The following MTMR3 variants were observed in gnomAD, a reference collection of about 807,000 sequenced individuals.
The protein encoded by MTMR3 is phosphatidylinositol-3,5-bisphosphate 3-phosphatase MTMR3.
A neutral mutation model predicts 132.4 loss-of-function variants in MTMR3; 32 were observed. The observed-to-expected ratio is 0.24, with a 90% CI of 0.18 to 0.32. MTMR3 has a LOEUF of 0.32. Among genes scored for constraint, MTMR3 ranks in the 10% least tolerant of loss-of-function variants. MTMR3 has a pLI of 1.00. For missense variants in MTMR3, 1,216 were observed against 1,489.6 expected, an observed-to-expected ratio of 0.82 and a Z score of 3.02; for synonymous variants, 556 against 550.3, an observed-to-expected ratio of 1.01 and a Z score of -0.14.
chr22:29,893,565 C>T (rs1338464219), intron 1 of MTMR3, among the ~76,000 whole-genome samples: 1 of 152,140 alleles, frequency 6.6e-6, no homozygotes, highest in Non-Finnish European at 1.5e-5. Flanking sequence ...TTGACTTACT[C>T]AGCAGTAAGT....
intron 1 of MTMR3, among the ~76,000 whole-genome samples, chr22:29,904,042 G>C (rs79407995): frequency 6.6e-6 from 1 of 152,144 alleles, no homozygotes; most frequent in Non-Finnish European, 1.5e-5. Context: ...CAGGTTAACC[G>C]TTGGTCTTCT....
intron 1 of MTMR3, among the ~76,000 whole-genome samples, chr22:29,933,693 A>G (rs1174469689): frequency 6.6e-6 from 1 of 151,438 alleles, no homozygotes. Context: ...TGTTCTTTGC[A>G]CATAAAGATG....
chr22:29,961,246 T>G (rs1485093121), intron 2 of MTMR3, among the ~76,000 whole-genome samples: 3 of 152,136 alleles, frequency 2.0e-5, no homozygotes, highest in Non-Finnish European at 4.4e-5. Context: ...GCTACAGAAA[T>G]AGCGACTTGT....
intron 2 of MTMR3, among the ~76,000 whole-genome samples, chr22:29,964,171 G>A (rs1602579636): frequency 2.0e-5 from 3 of 152,276 alleles, no homozygotes; most frequent in Admixed American, 2.0e-4. Context: ...ATTTTAAGAA[G>A]TATTACACTG....
chr22:29,937,419 ATTT>A (rs5844882), intron 1 of MTMR3, among the ~76,000 whole-genome samples: 1 of 144,242 alleles, frequency 6.9e-6, no homozygotes, highest in Non-Finnish European at 1.5e-5. Context: ...AACTTTGCAG[ATTT>A]TTTTTTTTTT....
intron 2 of MTMR3, among the ~76,000 whole-genome samples, chr22:29,961,380 A>G (rs1162130697): frequency 6.6e-6 from 1 of 152,148 alleles, no homozygotes; most frequent in East Asian, 1.9e-4. Context: ...ATAATGGAAT[A>G]CTGAACTGCC....
rs1019763404 is a variant in MTMR3 at position 30,021,188 on chromosome 22, T to G, written c.3225+304T>G. On this transcript the variant is annotated intron_variant, in intron 17 of 19. Coordinates refer to ENST00000401950, the MANE Select transcript of MTMR3 (RefSeq NM_021090.4). ...AGGATCATAAGTCTTCAGAAGGGCT[T>G]GAACCCATGGGCAGAATGACATCTG... 7.6e-6 allele frequency: 3 copies of G among 393,768 alleles called. 1 individual carries two copies. The highest frequency in any genetic ancestry group is 1.4e-5 in the Non-Finnish European group (3 of 216,096). The allele number at this position is 393,768 out of a possible 1,614,324, so 24.4% of individuals were successfully genotyped here. A position where few individuals can be genotyped will look rare whatever the true frequency, so the allele number is the denominator to read the frequency against.
intron 1 of MTMR3, among the ~76,000 whole-genome samples, chr22:29,950,932 C>T (rs1037139956): frequency 2.1e-5 from 3 of 142,440 alleles, no homozygotes; most frequent in Non-Finnish European, 4.9e-5. Context: ...GCAGGTGGAT[C>T]ACGAGGTCAA....
chr22:29,902,239 TTTAAA>T (rs1235825431), intron 1 of MTMR3, among the ~76,000 whole-genome samples: 4 of 152,158 alleles, frequency 2.6e-5, no homozygotes, highest in Admixed American at 6.5e-5. Flanking sequence ...TTAGAATTTT[TTTAAA>T]TTAAAGAAGT....
At chr22:29,928,973 A>C (rs1166555457) in intron 1 of MTMR3, among the ~76,000 whole-genome samples, 1 of 152,154 alleles carries the variant, frequency 6.6e-6, no homozygotes, top group East Asian at 1.9e-4. Context: ...ACCATTATCA[A>C]AAGTGTGTAC....
At chr22:29,911,668 G>T (rs548998012) in intron 1 of MTMR3, among the ~76,000 whole-genome samples, 1 of 150,576 alleles carries the variant, frequency 6.6e-6, no homozygotes, top group African/African-American at 2.4e-5. Flanking sequence ...GGCTTTCTAC[G>T]TATTTAAAAA....
chr22:29,992,994 G>T (rs1005708697), intron 7 of MTMR3: 2 of 152,180 alleles, frequency 1.3e-5, no homozygotes, highest in Non-Finnish European at 1.5e-5. Context: ...TCAAGTCCCA[G>T]TGCTAGTCAC....
At position 30,028,744 on chromosome 22, in the gene MTMR3, AAC is replaced by A. The variant is rs1569060456; in HGVS notation, c.*2947_*2948del. 2 of 152,384 alleles carry A rather than the reference AAC, an allele frequency of 1.3e-5. No homozygotes were observed. Among genetic ancestry groups the A allele is most frequent in the African/African-American group, 4.8e-5 (2 of 41,456 alleles). 9.4% of individuals were successfully genotyped at this position (152,384 alleles called of 1,614,324 possible). On this transcript the variant is annotated 3_prime_UTR_variant, in exon 20 of 20. Transcript: ENST00000401950. ...ATGTACCTTCTACCTAAAGTATACA[AAC>A]ACAAAGAGCCAGCTGAGCTGGTTCT...
intron 1 of MTMR3, among the ~76,000 whole-genome samples, chr22:29,941,878 A>C (rs558994468): frequency 2.6e-5 from 4 of 152,174 alleles, no homozygotes; most frequent in African/African-American, 7.2e-5. Context: ...GCTACTTGGG[A>C]GGCCATGGTA....
intron 8 of MTMR3, 85 bp from the exon 9 acceptor site, chr22:30,002,795 C>G (rs939077440): frequency 3.0e-6 from 3 of 1,008,834 alleles, no homozygotes; most frequent in Non-Finnish European, 4.6e-6. Flanking sequence ...CTTATGCTGG[C>G]TCACCTAGTG....
intron 1 of MTMR3, among the ~76,000 whole-genome samples, chr22:29,931,865 C>G (rs1051229560): frequency 1.4e-5 from 2 of 146,154 alleles, no homozygotes; most frequent in Non-Finnish European, 3.0e-5. Context: ...TTTTGTAAGA[C>G]AGCAATGTCA....
chr22:29,992,623 G>A (rs765417982), intron 7 of MTMR3: 3 of 152,196 alleles, frequency 2.0e-5, no homozygotes, highest in Non-Finnish European at 4.4e-5. Context: ...TTAAATTTCT[G>A]TGCAGTGAAA....
intron 14 of MTMR3, 75 bp downstream of exon 14, chr22:30,013,616 A>G (rs776623423): frequency 5.7e-5 from 80 of 1,397,568 alleles, no homozygotes; most frequent in Admixed American, 7.6e-5. Context: ...CAGTTCTCAC[A>G]TGAAACTGTG....
rs367979347 is a variant in MTMR3, at chr22:29,903,920, A to G, written c.-138+20561A>G. ...ACAGGTATCTCATTTGTAGGCTATCATTATTTTTGGTGAACAGGTATCTCA... is the reference window on the plus strand; with the variant it reads ...ACAGGTATCTCATTTGTAGGCTATCGTTATTTTTGGTGAACAGGTATCTCA... On this transcript the variant is annotated intron_variant, in intron 1 of 19. Transcript: ENST00000401950. Among the ~76,000 whole-genome samples the G allele has an allele frequency of 1.1e-4, 17 of 152,226 alleles. No homozygotes were observed. In the East Asian group the frequency reaches 3.3e-3, roughly 29 times the overall value.
Sources: gnomAD v4.1 joint callset for allele counts (sites outside exome capture counted in the v4.1 genomes callset) on GRCh38, gnomAD v4.1.1 for gene constraint, MANE v1.5 for transcripts, NCBI Gene and HGNC (gene_info 2026-07-23, HGNC 2026-07-21) for gene names.